Variants in AKR1B15 observed in about 807,000 individuals in gnomAD.
AKR1B15 encodes the protein estradiol 17-beta-dehydrogenase AKR1B15.
A neutral mutation model predicts 38.5 loss-of-function variants in AKR1B15; 49 were observed. That is an observed-to-expected ratio of 1.27 (90% CI 1.01 to 1.62). The LOEUF (loss-of-function observed/expected upper bound fraction) is 1.62. Among genes scored for constraint, AKR1B15 ranks in the 40% most tolerant of loss-of-function variants. AKR1B15 has a pLI of 0.00. For missense variants in AKR1B15, 411 were observed against 381.6 expected (o/e 1.08, Z -0.64); for synonymous variants, 137 against 135.5 (o/e 1.01, Z -0.08).
intron 3 of AKR1B15, chr7:134,565,161 C>T (rs1794504495): frequency 8.5e-6 from 3 of 353,224 alleles, no homozygotes; most frequent in Admixed American, 4.0e-5. Flanking sequence ...TGTTCTTACC[C>T]TCTTGACGAA....
At position 134,565,419 on chromosome 7, in the gene AKR1B15, C is replaced by T. The variant is rs1794509899; in HGVS notation, c.150+650C>T. ...CCACGAACCCTCTGGAAGGAACCAA[C>T]TCTGGACACAGCAGGACGTGAGACT... is the stretch of plus-strand genomic sequence containing the variant. On this transcript the variant is annotated intron_variant, in intron 3 of 11. Transcript: ENST00000457545. 5 of 1,610,830 alleles carry T rather than the reference C, an allele frequency of 3.1e-6. 1 individual carries two copies. The African/African-American group carries it at 4.0e-5, about 13-fold the overall frequency.
At chr7:134,552,206 C>T (rs967079998) in intron 1 of AKR1B15, among the ~76,000 whole-genome samples, 1 of 152,152 alleles carries the variant, frequency 6.6e-6, no homozygotes, top group South Asian at 2.1e-4. Flanking sequence ...AAGCTACAGG[C>T]GTCCATCTCC....
At chr7:134,575,987 T>C (rs1180633574) in intron 8 of AKR1B15, 60 bp downstream of exon 8, 3 of 1,576,180 alleles carry the variant, frequency 1.9e-6, no homozygotes, top group Non-Finnish European at 2.6e-6. Context: ...ATTTTATAAT[T>C]GGTAAATGTC....
chr7:134,577,147 C>A, intron 10 of AKR1B15, 101 bp downstream of exon 10: 1 of 1,193,430 alleles, frequency 8.4e-7, no homozygotes, highest in Admixed American at 1.9e-5. Context: ...TGTCTTTGGC[C>A]CCCTCCTTCC....
intron 6 of AKR1B15, among the ~76,000 whole-genome samples, chr7:134,573,793 T>C (rs1259961683): frequency 6.6e-6 from 1 of 152,204 alleles, no homozygotes; most frequent in East Asian, 1.9e-4. Context: ...GTTCTCAACG[T>C]TGGCTGGGCA....
rs1368864860 is a variant in AKR1B15 at position 134,575,443 on chromosome 7, G to C, written c.537G>C (p.Glu179Asp). 1 of 1,613,712 alleles carries C rather than the reference G, an allele frequency of 6.2e-7. No homozygotes were observed. Among genetic ancestry groups the C allele is most frequent in the East Asian group, 2.2e-5 (1 of 44,858 alleles). The change falls in exon 7 of 12, where the codon GAG (glutamate) becomes GAC (aspartate). Residue 179 changes from glutamate (E) to aspartate (D), a missense_variant. Transcript: ENST00000457545. ...AGGCCATGGAGGAGCTGGTGGACGAGGGGCTGGTGAAAGCCCTTGGGGTCT... is the reference window on the plus strand; with the variant it reads ...AGGCCATGGAGGAGCTGGTGGACGACGGGCTGGTGAAAGCCCTTGGGGTCT... The part of the protein sequence containing the change: ...AWEAMEELVD[E>D]GLVKALGVSN...
chr7:134,573,840 T>C (rs555129691), intron 6 of AKR1B15, among the ~76,000 whole-genome samples: 53 of 152,320 alleles, frequency 3.5e-4, no homozygotes, highest in African/African-American at 1.3e-3. Context: ...TCCCAATGTC[T>C]AGGCTACAAC....
chr7:134,575,491 C>A lies in AKR1B15; in HGVS notation c.585C>A (p.Ile195=). ...LGVSNFNHFQ[I]ERLLNKPGLK... ...TCTCAAATTTCAACCACTTCCAGATCGAGAGGCTCTTGAACAAACCTGGAC... is the reference window on the plus strand; with the variant it reads ...TCTCAAATTTCAACCACTTCCAGATAGAGAGGCTCTTGAACAAACCTGGAC... The change falls in exon 7 of 12, where the codon ATC becomes ATA. Residue 195 remains isoleucine (I), a synonymous_variant. Coordinates refer to ENST00000457545, the MANE Select transcript of AKR1B15 (RefSeq NM_001080538.3). 1.9e-6 allele frequency: 3 copies of A among 1,613,838 alleles called. No individual in the cohort carries two copies. Among genetic ancestry groups the A allele is most frequent in the Non-Finnish European group, 2.5e-6 (3 of 1,179,804 alleles).
intron 6 of AKR1B15, among the ~76,000 whole-genome samples, chr7:134,573,856 CA>C (rs1794711270): frequency 6.6e-6 from 1 of 152,128 alleles, no homozygotes; most frequent in Admixed American, 6.5e-5. Context: ...ACAACTCAGA[CA>C]AAATCAGTAA....
In AKR1B15 at chr7:134,571,688, T is replaced by A. The variant is rs748031909; in HGVS notation, c.513+7T>A. ...GTTCTTGGATGCCTGGGAGGTAGGTTCCAGCTTTGTCTAAGTGTGCTGGGA... is the reference window on the plus strand; with the variant it reads ...GTTCTTGGATGCCTGGGAGGTAGGTACCAGCTTTGTCTAAGTGTGCTGGGA... On this transcript the variant is annotated splice_region_variant and intron_variant, in intron 6 of 11. Transcript: ENST00000457545. 1.2e-6 allele frequency: 2 copies of A among 1,610,250 alleles called. No individual in the cohort carries two copies. The highest frequency in any genetic ancestry group is 1.7e-6 in the Non-Finnish European group (2 of 1,176,940).
At position 134,552,588 on chromosome 7, in the gene AKR1B15, G is replaced by A. The variant is rs554435068; in HGVS notation, c.-147+3339G>A. 1.1e-4 allele frequency among the ~76,000 whole-genome samples: 16 copies of A among 152,178 alleles called. No homozygotes were observed. The South Asian group carries it at 2.3e-3, about 22-fold the overall frequency. On this transcript the variant is annotated intron_variant, in intron 1 of 11. Coordinates refer to ENST00000457545, the MANE Select transcript of AKR1B15 (RefSeq NM_001080538.3). ...TCCATTTTTGCCGGTCCAGAAACCC[G>A]GAACAAATGATTACCAGCCTGTACA...
At position 134,573,487 on chromosome 7, in the gene AKR1B15, A is replaced by G. The variant is rs1794705325; in HGVS notation, c.513+1806A>G. On this transcript the variant is annotated intron_variant, in intron 6 of 11. Transcript: ENST00000457545. Reference sequence around the variant, plus strand: ...AAACATTTGAAAGGCATGAAAAGATATCATTGATCAAGTTCAGAGGCTCTG... The same window carrying G: ...AAACATTTGAAAGGCATGAAAAGATGTCATTGATCAAGTTCAGAGGCTCTG... 4.1e-6 allele frequency: 4 copies of G among 985,336 alleles called. No homozygotes were observed. In the African/African-American group the frequency reaches 7.0e-5, roughly 17 times the overall value. The allele number at this position is 985,336 out of a possible 1,614,324, so 61.0% of individuals were successfully genotyped here.
At chr7:134,575,599 C>A in intron 7 of AKR1B15, 57 bp downstream of exon 7, 3 of 1,605,754 alleles carry the variant, frequency 1.9e-6, no homozygotes, top group Non-Finnish European at 2.6e-6. Flanking sequence ...TTAAACATTG[C>A]GGGGGGAATG....
At chr7:134,577,177 C>G in intron 10 of AKR1B15, 131 bp downstream of exon 10, 1 of 976,616 alleles carries the variant, frequency 1.0e-6, no homozygotes, top group Non-Finnish European at 1.6e-6. Context: ...TATCATTTTC[C>G]AGCCCAGGGA....
chr7:134,566,033 C>T (rs1220292957), intron 3 of AKR1B15, among the ~76,000 whole-genome samples: 2 of 152,186 alleles, frequency 1.3e-5, no homozygotes, highest in Non-Finnish European at 2.9e-5. Context: ...GTGGCTCATG[C>T]CTGTAATCCC....
intron 6 of AKR1B15, 84 bp downstream of exon 6, chr7:134,571,765 T>A: frequency 2.0e-6 from 2 of 1,022,102 alleles, no homozygotes; most frequent in Non-Finnish European, 1.5e-6. Context: ...AGAGGCCATG[T>A]GCCTGATGCT....
intron 3 of AKR1B15, chr7:134,565,564 T>G: frequency 6.2e-7 from 1 of 1,613,638 alleles, no homozygotes. Context: ...TGCAAATCTT[T>G]GCACAACTTT....
chr7:134,561,790 T>C (rs1794401175), intron 2 of AKR1B15, among the ~76,000 whole-genome samples: 1 of 152,150 alleles, frequency 6.6e-6, no homozygotes, highest in South Asian at 2.1e-4. Flanking sequence ...CTATATCATG[T>C]TCCCTAGACT....
chr7:134,576,107 C>A (rs1794763632), intron 8 of AKR1B15, among the ~76,000 whole-genome samples, 180 bp downstream of exon 8: 1 of 152,028 alleles, frequency 6.6e-6, no homozygotes, highest in African/African-American at 2.4e-5. Context: ...ACAACAACAA[C>A]AACAAGGGCG....
Sources: allele counts gnomAD v4.1 joint callset (sites outside exome capture counted in the v4.1 genomes callset), GRCh38; gene constraint gnomAD v4.1.1; transcripts MANE v1.5; gene names NCBI Gene and HGNC (gene_info 2026-07-23, HGNC 2026-07-21).